Variants in ZBTB38 observed in about 807,000 individuals in gnomAD.
ZBTB38 encodes the protein zinc finger and BTB domain-containing protein 38.
ZBTB38 carries 20 observed loss-of-function variants against 76.8 expected under a neutral mutation model. That is an observed-to-expected ratio of 0.26 (90% CI 0.18 to 0.38). The LOEUF (loss-of-function observed/expected upper bound fraction) is 0.38, where lower values mean the gene tolerates loss of function less well. Ranked by LOEUF, ZBTB38 falls within the 10% of genes least tolerant of loss-of-function variation. The pLI is 1.00. For missense variants in ZBTB38, 1,082 were observed against 1,482.3 expected (o/e 0.73, Z 4.43); for synonymous variants, 504 against 544.2 (o/e 0.93, Z 1.03).
chr3:141,443,452 C>T lies in ZBTB38; in HGVS notation c.1064C>T (p.Thr355Ile), dbSNP rs770793547. The T allele has an allele frequency of 1.9e-5, 31 of 1,614,114 alleles. No individual in the cohort carries two copies. In the Admixed American group the frequency reaches 3.5e-4, roughly 18 times the overall value. Reference protein sequence around the residue: ...SCCSKAFDSSTLLSAHMQLHK... With the variant: ...SCCSKAFDSSILLSAHMQLHK... ...TGTTCCAAAGCCTTTGACAGCAGCA[C>T]TCTGCTCAGTGCCCACATGCAGCTT... Residue 355 changes from threonine to isoleucine, a missense_variant, in exon 6 of 6, where the codon ACT becomes ATT. Physicochemically the swap from Thr to Ile is moderately conservative, Grantham distance 89. Around this residue, in one of 8 missense-constraint regions of ZBTB38, gnomAD observed 324 missense variants for 359.1 expected, o/e 0.90. Transcript: ENST00000321464. The surrounding 1 kb of genome is among the most constrained non-coding windows in gnomAD (Gnocchi z 5.6).
intron 1 of ZBTB38, among the ~76,000 whole-genome samples, chr3:141,362,658 C>T (rs1043016319): frequency 1.4e-5 from 2 of 147,446 alleles, no homozygotes; most frequent in African/African-American, 2.6e-5. Flanking sequence ...CTGGACAGAG[C>T]GGAAGGACCA....
chr3:141,362,907 C>A (rs928141162), intron 1 of ZBTB38, among the ~76,000 whole-genome samples: 2 of 152,086 alleles, frequency 1.3e-5, no homozygotes, highest in Non-Finnish European at 2.9e-5. Context: ...CCCAAGACTG[C>A]ACCCTGTAGG....
intron 1 of ZBTB38, among the ~76,000 whole-genome samples, chr3:141,338,189 G>A (rs1943070276): frequency 6.6e-6 from 1 of 152,172 alleles, no homozygotes; most frequent in African/African-American, 2.4e-5. Flanking sequence ...TACACTGCTG[G>A]TGGGAGTGTA....
intron 2 of ZBTB38, among the ~76,000 whole-genome samples, chr3:141,377,944 G>C (rs72988337): frequency 0.041 from 6,196 of 152,166 alleles, 411 homozygotes; most frequent in African/African-American, 0.14. Flanking sequence ...CCAGCACTTT[G>C]GGAGGCTGAG....
intron 5 of ZBTB38, among the ~76,000 whole-genome samples, chr3:141,431,175 T>A (rs1176641658): frequency 6.6e-6 from 1 of 151,030 alleles, no homozygotes; most frequent in African/African-American, 2.4e-5. Context: ...ATACAAAAAT[T>A]AGCCGGGCAT....
exon 1 of ZBTB38, chr3:141,324,442 C>G (rs1942615049): frequency 6.6e-6 from 1 of 152,216 alleles, no homozygotes; most frequent in Non-Finnish European, 1.5e-5. Flanking sequence ...GAAGATTACT[C>G]TGCAACAGCT....
intron 5 of ZBTB38, among the ~76,000 whole-genome samples, chr3:141,436,137 G>A (rs530446503): frequency 4.6e-5 from 7 of 152,186 alleles, no homozygotes; most frequent in Admixed American, 1.3e-4. Context: ...AAATGTAGTG[G>A]AGGAGGTTGC....
rs2080774275 is a variant in ZBTB38 at position 141,444,184 on chromosome 3, C to T, written c.1796C>T (p.Ala599Val). The T allele has an allele frequency of 1.2e-6, 2 of 1,614,176 alleles. No homozygotes were observed. The highest frequency in any genetic ancestry group is 1.7e-6 in the Non-Finnish European group (2 of 1,180,030). ...ARENSQMNES[A>V]PGTYVVQNPH... is the part of the protein sequence containing the mutation. ...GAAAACAGTCAAATGAATGAGTCTG[C>T]ACCTGGTACCTATGTTGTTCAGAAT... The change falls in exon 6 of 6, where the codon GCA becomes GTA. Residue 599 changes from alanine (A) to valine (V), a missense_variant. Physicochemically the swap from Ala to Val is moderately conservative, Grantham distance 64. Transcript: ENST00000321464. The surrounding 1 kb of genome is among the most constrained non-coding windows in gnomAD (Gnocchi z 5.1).
chr3:141,330,294 G>A (rs1220298694), intron 1 of ZBTB38, among the ~76,000 whole-genome samples: 2 of 152,206 alleles, frequency 1.3e-5, no homozygotes, highest in African/African-American at 2.4e-5. Flanking sequence ...TCCTGACTAA[G>A]GGTACCATGG....
At chr3:141,370,118 C>A (rs552101570) in intron 2 of ZBTB38, among the ~76,000 whole-genome samples, 172 bp downstream of exon 2, 2 of 152,278 alleles carry the variant, frequency 1.3e-5, no homozygotes, top group East Asian at 3.9e-4. Flanking sequence ...TAATAGAACC[C>A]CAAATCTATA....
intron 2 of ZBTB38, among the ~76,000 whole-genome samples, chr3:141,370,991 G>T (rs551840632): frequency 5.4e-5 from 8 of 149,248 alleles, no homozygotes; most frequent in Admixed American, 2.0e-4. Context: ...ATTCCCGAAG[G>T]TTAGACCTTT....
At chr3:141,388,707 A>G (rs1248882624) in intron 4 of ZBTB38, 1 of 152,240 alleles carries the variant, frequency 6.6e-6, no homozygotes, top group Non-Finnish European at 1.5e-5. Flanking sequence ...TGTTTAATGA[A>G]AAATTTACAG....
rs1469397543 is a variant in ZBTB38, at chr3:141,448,392, A to G, written c.*2416A>G. On this transcript the variant is annotated 3_prime_UTR_variant, in exon 6 of 6. Transcript: ENST00000321464. ...AAAATACTTGACTTTGTAATTCTGT[A>G]TATTCTATACAATTTATAGCAGAGC... 1.8e-4 allele frequency: 27 copies of G among 152,612 alleles called. No individual in the cohort carries two copies. Among genetic ancestry groups the G allele is most frequent in the Admixed American group, 1.8e-3 (27 of 15,278 alleles). The allele number at this position is 152,612 out of a possible 1,614,324, so 9.5% of individuals were successfully genotyped here.
At chr3:141,426,181 A>G (rs781365764) in intron 5 of ZBTB38, 8 of 1,289,292 alleles carry the variant, frequency 6.2e-6, no homozygotes, top group Non-Finnish European at 8.1e-6. Context: ...CTGTTCCTTC[A>G]TAGTGTAGTC....
chr3:141,348,090 G>T (rs931156941), intron 1 of ZBTB38, among the ~76,000 whole-genome samples: 1 of 152,174 alleles, frequency 6.6e-6, no homozygotes, highest in African/African-American at 2.4e-5. Flanking sequence ...TTTGTTTGAA[G>T]GGTAGTTCTT....
rs1553774246 is a variant in ZBTB38, at chr3:141,444,322, C to T, written c.1934C>T (p.Ala645Val). ...TSACQDIPTS[A>V]NVQNAEGTKW... ...GCATGTCAGGACATACCCACTTCTG[C>T]CAATGTACAAAATGCAGAGGGTACC... The change falls in exon 6 of 6, where the codon GCC becomes GTC. Residue 645 changes from alanine to valine, a missense_variant. By Grantham distance (64) the Ala-to-Val change is moderately conservative. Coordinates refer to ENST00000321464, the MANE Select transcript of ZBTB38 (RefSeq NM_001376113.1). The surrounding 1 kb of genome is among the most constrained non-coding windows in gnomAD (Gnocchi z 5.1). 1 of 1,614,152 alleles carries T rather than the reference C, an allele frequency of 6.2e-7. No homozygotes were observed. Among genetic ancestry groups the T allele is most frequent in the South Asian group, 1.1e-5 (1 of 91,090 alleles).
chr3:141,399,987 C>CTTTTT lies in ZBTB38; in HGVS notation c.-105-3922_-105-3918dup, dbSNP rs557587979. ...AGAGGAGATAATCTTGAAAGTCTTG[C>CTTTTT]TTTTTTTTTTTTTTTTTTTTTTGCA... On this transcript the variant is annotated intron_variant, in intron 4 of 5. Transcript: ENST00000321464. 2.5e-3 allele frequency among the ~76,000 whole-genome samples: 205 copies of CTTTTT among 80,416 alleles called. 1 individual carries two copies. The highest frequency in any genetic ancestry group is 3.9e-3 in the East Asian group (10 of 2,582). 52.8% of individuals were successfully genotyped at this position (80,416 alleles called of 152,430 possible).
chr3:141,343,477 C>A (rs1046496081), intron 1 of ZBTB38, among the ~76,000 whole-genome samples: 1 of 152,078 alleles, frequency 6.6e-6, no homozygotes, highest in Non-Finnish European at 1.5e-5. Flanking sequence ...GGACTCTGAG[C>A]AAATGGGATC....
chr3:141,404,655 G>T (rs1380845702), intron 5 of ZBTB38, among the ~76,000 whole-genome samples: 1 of 152,212 alleles, frequency 6.6e-6, no homozygotes, highest in Admixed American at 6.5e-5. Context: ...TAGGCAGTGT[G>T]TGAAGGGCTT....
Sources: allele counts gnomAD v4.1 joint callset (sites outside exome capture counted in the v4.1 genomes callset), GRCh38; gene constraint gnomAD v4.1.1; regional missense constraint gnomAD v4.1.1; non-coding constraint Gnocchi (gnomAD v3.1); transcripts MANE v1.5; gene names NCBI Gene and HGNC (gene_info 2026-07-23, HGNC 2026-07-21).